KCNMA1: variants seen among roughly 807,000 people sequenced by gnomAD.
KCNMA1 encodes the protein Calcium-activated potassium channel subunit alpha-1.
In KCNMA1, 29 loss-of-function variants were observed where a neutral mutation model predicts 140.0. The observed-to-expected ratio is 0.21, with a 90% confidence interval of 0.15 to 0.28. The LOEUF is 0.28. Among genes scored for constraint, KCNMA1 ranks in the 10% least tolerant of loss-of-function variants. The pLI, the probability that KCNMA1 is intolerant of heterozygous loss-of-function variation, is 1.00. For missense variants in KCNMA1, 880 were observed against 1,602.2 expected (o/e 0.55, Z 7.70); for synonymous variants, 612 against 611.9 (o/e 1.00, Z 0.00).
intron 1 of KCNMA1, 96 bp from the exon 2 acceptor site, chr10:77,404,119 G>T: frequency 8.2e-7 from 1 of 1,215,592 alleles, no homozygotes; most frequent in Non-Finnish European, 1.2e-6. Context: ...GGGGTCCCCA[G>T]CTGAGATGGA....
Position 77,506,596 on chromosome 10 carries a change from A to AGAGTGTGTGTGTGTGTGT in KCNMA1, c.379-102574_379-102573insACACACACACACACACTC. On this transcript the variant is annotated intron_variant, in intron 1 of 27. Transcript: ENST00000286628. ...TAGAGAGAGAGAGAGAGAGAGAGAGAGTGTGTGTGTGTGTGTGTGTGTGTT... is the reference window on the plus strand; with the variant it reads ...TAGAGAGAGAGAGAGAGAGAGAGAGAGAGTGTGTGTGTGTGTGTGTGTGTGTGTGTGTGTGTGTGTGTT... Among the ~76,000 whole-genome samples the AGAGTGTGTGTGTGTGTGT allele has an allele frequency of 3.9e-4, 33 of 83,570 alleles. 1 individual carries two copies. In the South Asian group the frequency reaches 0.01, roughly 26 times the overall value. The allele number at this position is 83,570 out of a possible 152,430, so 54.8% of individuals were successfully genotyped here. A position where few individuals can be genotyped will look rare whatever the true frequency, so the allele number is the denominator to read the frequency against.
rs2070029677 is a variant in KCNMA1 at position 76,959,518 on chromosome 10, T to C, written c.2361-5594A>G. ...CATTTGAGGATTACATGAGTAAAGA[T>C]ATTTCATGCCCTGAATACAGCATCT... On this transcript the variant is annotated intron_variant, in intron 20 of 27. Coordinates refer to ENST00000286628, the MANE Select transcript of KCNMA1 (RefSeq NM_001161352.2). Among the ~76,000 whole-genome samples, 4 of 152,348 alleles carry C rather than the reference T, an allele frequency of 2.6e-5. No individual in the cohort carries two copies. In the South Asian group the frequency reaches 8.3e-4, roughly 32 times the overall value.
At position 77,185,246 on chromosome 10, in the gene KCNMA1, A is replaced by G. The variant is rs572787772; in HGVS notation, c.603-330T>C. ...GGAAGGACAAGCAGGAGAGGCCTCCAAATTCCTTAATTTCATATTAACCCT... is the reference window on the plus strand; with the variant it reads ...GGAAGGACAAGCAGGAGAGGCCTCCGAATTCCTTAATTTCATATTAACCCT... On this transcript the variant is annotated intron_variant, in intron 3 of 27. Coordinates refer to ENST00000286628, the MANE Select transcript of KCNMA1 (RefSeq NM_001161352.2). Among the ~76,000 whole-genome samples, 13 of 152,204 alleles carry G rather than the reference A, an allele frequency of 8.5e-5. No homozygotes were observed. The South Asian group carries it at 2.3e-3, about 27-fold the overall frequency.
chr10:76,943,200 T>G (rs2063042977), intron 23 of KCNMA1, among the ~76,000 whole-genome samples: 1 of 152,178 alleles, frequency 6.6e-6, no homozygotes, highest in Non-Finnish European at 1.5e-5. Context: ...CCGCACAGGA[T>G]GCGGGCTCTA....
At chr10:77,191,368 T>C (rs894094861) in intron 3 of KCNMA1, among the ~76,000 whole-genome samples, 1 of 152,266 alleles carries the variant, frequency 6.6e-6, no homozygotes, top group African/African-American at 2.4e-5. Flanking sequence ...TATAGAACAT[T>C]TTCTCCTGAA....
chr10:77,466,618 T>C (rs762291123), intron 1 of KCNMA1, among the ~76,000 whole-genome samples: 2 of 152,188 alleles, frequency 1.3e-5, no homozygotes, highest in Non-Finnish European at 2.9e-5. Flanking sequence ...TTCACTGCAT[T>C]ATATAATCAA....
chr10:77,627,683 C>G (rs1191983620), intron 1 of KCNMA1, among the ~76,000 whole-genome samples: 1 of 152,208 alleles, frequency 6.6e-6, no homozygotes, highest in African/African-American at 2.4e-5. Flanking sequence ...AATTTGAAAT[C>G]TACCATCCAC....
intron 2 of KCNMA1, among the ~76,000 whole-genome samples, chr10:77,291,271 TTGTATGAAATGTA>T (rs2073138022): frequency 6.6e-6 from 1 of 152,198 alleles, no homozygotes; most frequent in Non-Finnish European, 1.5e-5. Flanking sequence ...CTGAGATTTC[TTGTATGAAATGTA>T]CTTACGGAAC....
At chr10:77,251,402 C>G (rs540371068) in intron 2 of KCNMA1, 146 bp from the exon 3 acceptor site, 6 of 712,488 alleles carry the variant, frequency 8.4e-6, no homozygotes, top group Admixed American at 6.0e-5. Flanking sequence ...CCCCAGCCCC[C>G]CATTACTGCT....
At position 77,637,589 on chromosome 10, in the gene KCNMA1, G is replaced by A. The variant is rs1043608536; in HGVS notation, c.54C>T (p.Gly18=). Residue 18 remains glycine, a synonymous_variant, in exon 1 of 28, where the codon GGC becomes GGT. Transcript: ENST00000286628. ...GGGSSGGGGG[G]GGSSLRMSSN... is the part of the protein sequence containing the mutation. ...TACTCATTCTAAGACTGCTGCCTCC[G>A]CCGCCGCCGCCGCCGCCGCTGCTGC... 2.1e-6 allele frequency: 3 copies of A among 1,443,926 alleles called. No homozygotes were observed. In the East Asian group the frequency reaches 7.8e-5, roughly 38 times the overall value. The allele number at this position is 1,443,926 out of a possible 1,614,324, so 89.4% of individuals were successfully genotyped here.
chr10:76,877,841 A>G (rs748963457), exon 30 of KCNMA1: 3 of 1,609,040 alleles, frequency 1.9e-6, no homozygotes, highest in Non-Finnish European at 2.5e-6. Context: ...GCTTGATTTG[A>G]ATGTTTCTGG....
chr10:77,136,541 T>C (rs2098033710), intron 5 of KCNMA1, among the ~76,000 whole-genome samples: 1 of 151,752 alleles, frequency 6.6e-6, no homozygotes, highest in East Asian at 1.9e-4. Context: ...GTAAATTTTA[T>C]GTTATGTGTT....
chr10:77,189,659 G>C (rs975790245), intron 3 of KCNMA1, among the ~76,000 whole-genome samples: 2 of 152,098 alleles, frequency 1.3e-5, no homozygotes, highest in South Asian at 4.1e-4. Flanking sequence ...TGAGGAACAA[G>C]ATATCATTTT....
chr10:76,936,306 T>C (rs1257871382), intron 23 of KCNMA1, among the ~76,000 whole-genome samples: 1 of 152,196 alleles, frequency 6.6e-6, no homozygotes, highest in Non-Finnish European at 1.5e-5. Context: ...ACTCTTATTA[T>C]AGAGGACTCA....
intron 2 of KCNMA1, among the ~76,000 whole-genome samples, chr10:77,384,561 G>T (rs2095537958): frequency 6.6e-6 from 1 of 152,206 alleles, no homozygotes; most frequent in East Asian, 1.9e-4. Flanking sequence ...TGTTTGTCCT[G>T]GGTAATACCC....
chr10:77,634,020 G>T, intron 1 of KCNMA1: 1 of 365,888 alleles, frequency 2.7e-6, no homozygotes, highest in Non-Finnish European at 3.8e-6. Flanking sequence ...CTCCTATATC[G>T]AATCACAGAG....
At chr10:77,021,383 G>A (rs528083393) in intron 16 of KCNMA1, among the ~76,000 whole-genome samples, 56 of 152,256 alleles carry the variant, frequency 3.7e-4, no homozygotes, top group Non-Finnish European at 6.5e-4. Flanking sequence ...ACACATAGAA[G>A]GTCTTAAATT....
At chr10:77,636,631 G>A in intron 1 of KCNMA1, 1 of 1,536,004 alleles carries the variant, frequency 6.5e-7, no homozygotes, top group Non-Finnish European at 8.7e-7. Flanking sequence ...AAAAGTGGCA[G>A]CCCCGTGGGC....
At chr10:77,271,834 T>G (rs1386663778) in intron 2 of KCNMA1, among the ~76,000 whole-genome samples, 1 of 151,928 alleles carries the variant, frequency 6.6e-6, no homozygotes, top group African/African-American at 2.4e-5. Context: ...CCCCACACCC[T>G]GGGGGAAAAA....
Sources: gnomAD v4.1 joint callset for allele counts (sites outside exome capture counted in the v4.1 genomes callset) on GRCh38, gnomAD v4.1.1 for gene constraint, MANE v1.5 for transcripts, NCBI Gene and HGNC (gene_info 2026-07-23, HGNC 2026-07-21) for gene names.